Variants in SULT4A1 observed in about 807,000 individuals in gnomAD.
SULT4A1 encodes the protein sulfotransferase 4A1.
Under a neutral mutation model 35.2 loss-of-function variants are expected in SULT4A1, and 11 were observed. The observed-to-expected ratio is 0.31, with a 90% CI of 0.20 to 0.52. The LOEUF is 0.52. Among genes scored for constraint, SULT4A1 ranks in the 20% least tolerant of loss-of-function variants. The pLI, the probability that SULT4A1 is intolerant of heterozygous loss-of-function variation, is 0.97. For synonymous variants in SULT4A1, 152 were observed against 151.8 expected, an observed-to-expected ratio of 1.00 and a Z score of -0.01; for missense variants, 271 against 383.7, an observed-to-expected ratio of 0.71 and a Z score of 2.45.
intron 1 of SULT4A1, among the ~76,000 whole-genome samples, chr22:43,855,952 A>T (rs1464513337): frequency 6.6e-6 from 1 of 152,212 alleles, no homozygotes; most frequent in Non-Finnish European, 1.5e-5. Flanking sequence ...GGCGAGAGGA[A>T]TTCAGGTAAA....
intron 5 of SULT4A1, 102 bp from the exon 6 acceptor site, chr22:43,829,300 C>A: frequency 7.7e-7 from 1 of 1,302,352 alleles, no homozygotes. Context: ...TTACACACGG[C>A]CTTCCTTACT....
chr22:43,840,119 A>T, intron 2 of SULT4A1, 94 bp from the exon 3 acceptor site: 205 of 550,172 alleles, frequency 3.7e-4, no homozygotes, highest in Non-Finnish European at 4.1e-4. Context: ...GGAGGAAGGA[A>T]GGGGTGGGGT....
At chr22:43,847,216 G>GA (rs2063482499) in intron 1 of SULT4A1, among the ~76,000 whole-genome samples, 1 of 152,076 alleles carries the variant, frequency 6.6e-6, no homozygotes, top group Non-Finnish European at 1.5e-5. Context: ...CACACACCAC[G>GA]AAACACGCAG....
At chr22:43,833,783 G>A (rs886522513) in intron 4 of SULT4A1, 49 bp from the exon 5 acceptor site, 18 of 1,481,452 alleles carry the variant, frequency 1.2e-5, no homozygotes, top group South Asian at 6.1e-5. Context: ...CAGGAGAAGC[G>A]CACACATGGG....
rs1378887340 is a variant in SULT4A1 at position 43,862,427 on chromosome 22, CCGCACGCGCCCG to C, written c.-57_-46del. ...CCGCCGCCGCCTCCCGGCTCGCAGCCCGCACGCGCCCGCGCCCGCGCCCGCGCCCGCGCCCCG... is the reference window on the plus strand; with the variant it reads ...CCGCCGCCGCCTCCCGGCTCGCAGCCCGCCCGCGCCCGCGCCCGCGCCCCG... On this transcript the variant is annotated 5_prime_UTR_variant, in exon 1 of 7. Coordinates refer to ENST00000330884, the MANE Select transcript of SULT4A1 (RefSeq NM_014351.4). The C allele has an allele frequency of 4.3e-6, 4 of 934,182 alleles. No homozygotes were observed. Among genetic ancestry groups the C allele is most frequent in the African/African-American group, 2.1e-5 (1 of 47,636 alleles). The allele number at this position is 934,182 out of a possible 1,614,324, so 57.9% of individuals were successfully genotyped here.
At chr22:43,861,121 C>T (rs752329553) in intron 1 of SULT4A1, among the ~76,000 whole-genome samples, 1 of 152,172 alleles carries the variant, frequency 6.6e-6, no homozygotes, top group Admixed American at 6.5e-5. Flanking sequence ...AAGATAGCAG[C>T]CCATCGAACG....
At chr22:43,828,045 G>T (rs574205490) in intron 6 of SULT4A1, among the ~76,000 whole-genome samples, 45 of 152,286 alleles carry the variant, frequency 3.0e-4, no homozygotes, top group Non-Finnish European at 5.4e-4. Context: ...AGAACAAAAA[G>T]CCGCAGAAGC....
At chr22:43,847,894 C>G (rs138084) in intron 1 of SULT4A1, among the ~76,000 whole-genome samples, 128,307 of 152,196 alleles carry the variant, frequency 0.84, 54,400 homozygotes, top group East Asian at 0.99. Flanking sequence ...AAACGTGGTG[C>G]CTTAAAACAA....
chr22:43,848,913 C>T (rs2148298429), intron 1 of SULT4A1, among the ~76,000 whole-genome samples: 1 of 152,354 alleles, frequency 6.6e-6, no homozygotes, highest in Admixed American at 6.5e-5. Flanking sequence ...GTGACTCGAG[C>T]CAAACGCTCT....
intron 5 of SULT4A1, among the ~76,000 whole-genome samples, chr22:43,830,539 C>G (rs1162327084): frequency 6.6e-6 from 1 of 152,252 alleles, no homozygotes; most frequent in Admixed American, 6.5e-5. Flanking sequence ...CACACATTCC[C>G]CATCTGGAAC....
intron 1 of SULT4A1, among the ~76,000 whole-genome samples, chr22:43,861,901 G>C (rs1012683501): frequency 6.6e-6 from 1 of 152,260 alleles, no homozygotes; most frequent in Admixed American, 6.5e-5. Flanking sequence ...GGGAGAAGCA[G>C]GGATGGGTGG....
intron 5 of SULT4A1, among the ~76,000 whole-genome samples, chr22:43,833,383 G>C (rs2063338399): frequency 6.6e-6 from 1 of 151,652 alleles, no homozygotes; most frequent in African/African-American, 2.4e-5. Flanking sequence ...CCAAGCCCCA[G>C]TCCCCTCCCC....
chr22:43,833,967 G>A (rs776433174), intron 4 of SULT4A1, among the ~76,000 whole-genome samples: 2 of 152,220 alleles, frequency 1.3e-5, no homozygotes, highest in African/African-American at 4.8e-5. Context: ...GACAGCCTCT[G>A]AGAAGGTGGT....
chr22:43,844,135 T>A (rs1396219486), intron 1 of SULT4A1, among the ~76,000 whole-genome samples: 2 of 152,194 alleles, frequency 1.3e-5, no homozygotes, highest in Non-Finnish European at 2.9e-5. Context: ...TTGACTCTTG[T>A]GTGAGAGCAG....
chr22:43,843,747 G>A (rs541028395), intron 1 of SULT4A1, among the ~76,000 whole-genome samples: 1 of 152,216 alleles, frequency 6.6e-6, no homozygotes, highest in African/African-American at 2.4e-5. Context: ...CTCCACAGAC[G>A]TCTCTTCCTC....
chr22:43,830,071 T>G (rs959202495), intron 5 of SULT4A1, among the ~76,000 whole-genome samples: 1 of 152,226 alleles, frequency 6.6e-6, no homozygotes, highest in Non-Finnish European at 1.5e-5. Context: ...GTGCGCTGAC[T>G]CCTGCAGCAG....
At chr22:43,835,576 C>G (rs1337664515) in intron 4 of SULT4A1, among the ~76,000 whole-genome samples, 1 of 152,102 alleles carries the variant, frequency 6.6e-6, no homozygotes, top group African/African-American at 2.4e-5. Flanking sequence ...CCCAAGTCAC[C>G]AACAGGTCAA....
chr22:43,830,160 CAA>C (rs2063315644), intron 5 of SULT4A1, among the ~76,000 whole-genome samples: 2 of 152,140 alleles, frequency 1.3e-5, no homozygotes, highest in Admixed American at 6.5e-5. Context: ...GGGCTTGACT[CAA>C]GAGTCAGAGG....
chr22:43,839,133 T>G (rs1361016889), intron 3 of SULT4A1, 140 bp from the exon 4 acceptor site: 19 of 1,146,416 alleles, frequency 1.7e-5, no homozygotes, highest in Non-Finnish European at 2.4e-5. Context: ...GGGGCCCATG[T>G]GCACGGCTGC....
Sources: allele counts gnomAD v4.1 joint callset (sites outside exome capture counted in the v4.1 genomes callset), GRCh38; gene constraint gnomAD v4.1.1; transcripts MANE v1.5; gene names NCBI Gene and HGNC (gene_info 2026-07-23, HGNC 2026-07-21).